The following CNIH3 variants were observed in gnomAD, a reference collection of about 807,000 sequenced individuals.
CNIH3 encodes the protein protein cornichon homolog 3.
Under a neutral mutation model 24.1 loss-of-function variants are expected in CNIH3, and 14 were observed. That is an observed-to-expected ratio of 0.58 (90% confidence interval 0.38 to 0.91). The LOEUF is 0.91. Among genes scored for constraint, CNIH3 ranks in the 40% least tolerant of loss-of-function variants. The pLI is 0.00. For synonymous variants in CNIH3, 68 were observed against 73.8 expected, an observed-to-expected ratio of 0.92 and a Z score of 0.40; for missense variants, 178 against 196.8, an observed-to-expected ratio of 0.90 and a Z score of 0.57.
chr1:224,556,223 T>C (rs1221858537), intron 3 of CNIH3, among the ~76,000 whole-genome samples: 1 of 151,934 alleles, frequency 6.6e-6, no homozygotes, highest in Non-Finnish European at 1.5e-5. Context: ...TGATGGTGTC[T>C]GTCTATTTCA....
At chr1:224,582,820 C>T (rs543417305) in intron 4 of CNIH3, among the ~76,000 whole-genome samples, 1 of 152,288 alleles carries the variant, frequency 6.6e-6, no homozygotes, top group East Asian at 1.9e-4. Flanking sequence ...CTAAATTGCT[C>T]TTAATAATAG....
upstream of CNIH3, among the ~76,000 whole-genome samples, chr1:224,513,102 T>C (rs182401253): frequency 2.8e-4 from 42 of 152,158 alleles, no homozygotes; most frequent in African/African-American, 9.9e-4. Context: ...GAAAGCCCTT[T>C]GAGAGCAGAG....
chr1:224,649,867 A>G (rs1684786304), intron 1 of CNIH3, among the ~76,000 whole-genome samples: 1 of 152,172 alleles, frequency 6.6e-6, no homozygotes, highest in Non-Finnish European at 1.5e-5. Flanking sequence ...CAAATCGAGG[A>G]GAATGTGTGC....
At chr1:224,691,532 T>C (rs1572732065) in intron 3 of CNIH3, among the ~76,000 whole-genome samples, 1 of 152,204 alleles carries the variant, frequency 6.6e-6, no homozygotes, top group Non-Finnish European at 1.5e-5. Context: ...ATGAGAGGCA[T>C]GGGGAACCTA....
chr1:224,683,514 T>G (rs1423688222), intron 2 of CNIH3, among the ~76,000 whole-genome samples: 4 of 152,240 alleles, frequency 2.6e-5, no homozygotes, highest in African/African-American at 9.6e-5. Context: ...CTTCACTGAT[T>G]GGTGACTCCA....
intron 1 of CNIH3, among the ~76,000 whole-genome samples, chr1:224,479,242 C>T (rs527628896): frequency 1.6e-3 from 238 of 148,672 alleles, no homozygotes; most frequent in African/African-American, 5.7e-3. Flanking sequence ...CAACCTCTGC[C>T]TCCCAGGTTA....
chr1:224,556,748 C>T (rs1680156677), intron 3 of CNIH3, among the ~76,000 whole-genome samples: 2 of 152,228 alleles, frequency 1.3e-5, no homozygotes, highest in Admixed American at 1.3e-4. Flanking sequence ...AGTGCTCTCT[C>T]ACCCACTGCT....
At chr1:224,573,325 A>C (rs1217105259) in intron 4 of CNIH3, among the ~76,000 whole-genome samples, 1 of 152,104 alleles carries the variant, frequency 6.6e-6, no homozygotes, top group African/African-American at 2.4e-5. Flanking sequence ...GAGAGTATGT[A>C]GGAAGTGGGG....
chr1:224,706,950 C>A (rs1056779491), intron 3 of CNIH3, among the ~76,000 whole-genome samples: 20 of 141,886 alleles, frequency 1.4e-4, no homozygotes, highest in Non-Finnish European at 3.0e-5. Context: ...CTCTCCTTTC[C>A]TTTCTTTCTT....
downstream of CNIH3, among the ~76,000 whole-genome samples, chr1:224,538,542 C>T (rs1035992438): frequency 6.6e-6 from 1 of 152,138 alleles, no homozygotes; most frequent in African/African-American, 2.4e-5. Context: ...TTTCAAACCC[C>T]ATGCCTCCCA....
At chr1:224,493,945 C>T (rs977303939) in intron 1 of CNIH3, among the ~76,000 whole-genome samples, 7 of 152,158 alleles carry the variant, frequency 4.6e-5, no homozygotes, top group Non-Finnish European at 7.4e-5. Context: ...AAATTTGCTG[C>T]AGTACTGCAG....
intron 1 of CNIH3, among the ~76,000 whole-genome samples, chr1:224,623,979 C>T (rs903242477): frequency 5.3e-5 from 8 of 152,184 alleles, no homozygotes; most frequent in Non-Finnish European, 7.3e-5. Flanking sequence ...TCCTGCCTGC[C>T]GTCACCTCTT....
chr1:224,462,543 A>G (rs1226023018), intron 1 of CNIH3, among the ~76,000 whole-genome samples: 2 of 150,830 alleles, frequency 1.3e-5, no homozygotes, highest in Non-Finnish European at 2.9e-5. Flanking sequence ...CATGTTGGCC[A>G]GGCTGGTCTC....
intron 1 of CNIH3, among the ~76,000 whole-genome samples, chr1:224,674,642 G>C (rs1209270148): frequency 6.6e-6 from 1 of 152,070 alleles, no homozygotes; most frequent in Non-Finnish European, 1.5e-5. Flanking sequence ...TAGGCTAGAG[G>C]GTTGGGGCAG....
chr1:224,532,926 C>T (rs1679130433), intron 2 of CNIH3, among the ~76,000 whole-genome samples: 1 of 152,046 alleles, frequency 6.6e-6, no homozygotes, highest in African/African-American at 2.4e-5. Flanking sequence ...CATTGAGGCT[C>T]AGGAAGATTC....
At position 224,635,353 on chromosome 1, in the gene CNIH3, A is replaced by G. The variant is rs534519221; in HGVS notation, c.81+18098A>G. 5.9e-5 allele frequency among the ~76,000 whole-genome samples: 9 copies of G among 152,306 alleles called. No individual in the cohort carries two copies. In the South Asian group the frequency reaches 1.9e-3, roughly 32 times the overall value. Reference sequence around the variant, plus strand: ...GGGTGGGGACACACAGCCAAACCCTACCAAGGGGAGAGGTGATATTATGGC... The same window carrying G: ...GGGTGGGGACACACAGCCAAACCCTGCCAAGGGGAGAGGTGATATTATGGC... On this transcript the variant is annotated intron_variant, in intron 1 of 5. Coordinates refer to ENST00000272133, the MANE Select transcript of CNIH3 (RefSeq NM_152495.2).
intron 1 of CNIH3, among the ~76,000 whole-genome samples, chr1:224,646,123 A>G (rs1312521464): frequency 8.6e-6 from 1 of 116,408 alleles, no homozygotes; most frequent in Non-Finnish European, 1.8e-5. Context: ...CTAAGATAGT[A>G]ACTCTAACGT....
chr1:224,458,426 C>T lies in CNIH3; in HGVS notation n.203+23564C>T, dbSNP rs766906300. Among the ~76,000 whole-genome samples, 1 of 152,222 alleles carries T rather than the reference C, an allele frequency of 6.6e-6. No individual in the cohort carries two copies. The highest frequency in any genetic ancestry group is 1.5e-5 in the Non-Finnish European group (1 of 68,042). ...AGGTGTGAGGCTGCCAGGAGCCGAT[C>T]GCACAAGGCTTGGCAAGGCAGATGC... On this transcript the variant is annotated intron_variant and non_coding_transcript_variant, in intron 1 of 5. Coordinates refer to the CNIH3 transcript ENST00000471578. The surrounding 1 kb of genome is among the most constrained non-coding windows in gnomAD (Gnocchi z 4.3).
intron 5 of CNIH3, among the ~76,000 whole-genome samples, chr1:224,584,964 T>G (rs1027698257): frequency 6.6e-6 from 1 of 152,190 alleles, no homozygotes; most frequent in African/African-American, 2.4e-5. Flanking sequence ...GCTGACTTAC[T>G]CAATAATCTG....
Sources: allele counts gnomAD v4.1 joint callset (sites outside exome capture counted in the v4.1 genomes callset), GRCh38; gene constraint gnomAD v4.1.1; non-coding constraint Gnocchi (gnomAD v3.1); transcripts MANE v1.5; gene names NCBI Gene and HGNC (gene_info 2026-07-23, HGNC 2026-07-21).